The following SLC14A2 variants were observed in gnomAD, a reference collection of about 807,000 sequenced individuals.
SLC14A2 encodes the protein urea transporter 2.
SLC14A2 carries 91 observed loss-of-function variants against 104.6 expected under a neutral mutation model. The ratio of observed to expected loss-of-function variants is 0.87; its 90% CI spans 0.73 to 1.04. The LOEUF (loss-of-function observed/expected upper bound fraction) is 1.04. SLC14A2 is among the 50% of genes least tolerant of loss of function. SLC14A2 has a pLI of 0.00. For synonymous variants in SLC14A2, 476 were observed against 466.4 expected, an observed-to-expected ratio of 1.02 and a Z score of -0.27; for missense variants, 1,189 against 1,156.0, an observed-to-expected ratio of 1.03 and a Z score of -0.41.
intron 1 of SLC14A2, among the ~76,000 whole-genome samples, chr18:45,289,126 C>T (rs995862130): frequency 1.3e-5 from 2 of 152,176 alleles, no homozygotes; most frequent in Non-Finnish European, 2.9e-5. Flanking sequence ...GAAAGGTGGA[C>T]GAGTGCTGGC....
chr18:45,466,878 C>T (rs2087153041), intron 1 of SLC14A2, among the ~76,000 whole-genome samples: 1 of 152,102 alleles, frequency 6.6e-6, no homozygotes, highest in South Asian at 2.1e-4. Context: ...CACTGTGTGC[C>T]TGGCCCCACC....
In SLC14A2 at chr18:45,261,483, G is replaced by A. The variant is rs539390555; in HGVS notation, c.-125+48292G>A. Among the ~76,000 whole-genome samples, 3 of 151,576 alleles carry A rather than the reference G, an allele frequency of 2.0e-5. No homozygotes were observed. In the East Asian group the frequency reaches 5.8e-4, roughly 30 times the overall value. ...GCAGGTTAGTTACATATGTATATAT[G>A]TGCCATGCTCGTGTGCTGCACCCAT... On this transcript the variant is annotated intron_variant, in intron 1 of 20. Transcript: ENST00000586448.
intron 1 of SLC14A2, among the ~76,000 whole-genome samples, chr18:45,293,655 G>A (rs562761927): frequency 1.4e-4 from 22 of 152,164 alleles, no homozygotes; most frequent in Admixed American, 1.3e-3. Flanking sequence ...TTAAATCAAG[G>A]CAAGTTTGAT....
chr18:45,391,198 A>G (rs1307974382), intron 1 of SLC14A2, among the ~76,000 whole-genome samples: 1 of 152,052 alleles, frequency 6.6e-6, no homozygotes, highest in Non-Finnish European at 1.5e-5. Context: ...TCCCTGAGAT[A>G]GTTTGCTGAG....
chr18:45,193,243 A>G, the SLC14A2 span, among the ~76,000 whole-genome samples: 2 of 152,154 alleles, frequency 1.3e-5, no homozygotes, highest in Non-Finnish European at 1.5e-5. Flanking sequence ...TTATTATGAA[A>G]TCCAGTTTAT....
At chr18:45,199,818 A>C in the SLC14A2 span, among the ~76,000 whole-genome samples, 2 of 152,184 alleles carry the variant, frequency 1.3e-5, no homozygotes, top group East Asian at 1.9e-4. Flanking sequence ...TCATACCTTC[A>C]ATAGCCTGGG....
chr18:45,673,070 G>A, intron 17 of SLC14A2, 23 bp downstream of exon 17: 1 of 1,611,274 alleles, frequency 6.2e-7, no homozygotes, highest in Non-Finnish European at 8.5e-7. Flanking sequence ...ACTTCCCTGG[G>A]CTGTGAGGGG....
intron 7 of SLC14A2, among the ~76,000 whole-genome samples, chr18:45,640,547 A>G (rs1213046332): frequency 3.3e-5 from 5 of 152,172 alleles, no homozygotes; most frequent in Admixed American, 2.6e-4. Context: ...TTAAATAGGT[A>G]TTTGCTCTTT....
chr18:45,346,653 C>T (rs1016534713), intron 1 of SLC14A2, among the ~76,000 whole-genome samples: 4 of 152,064 alleles, frequency 2.6e-5, no homozygotes, highest in South Asian at 2.1e-4. Flanking sequence ...CTAGGCTGGG[C>T]GCAGTAGCTC....
At chr18:45,268,170 C>A (rs1374964494) in intron 1 of SLC14A2, among the ~76,000 whole-genome samples, 1 of 152,090 alleles carries the variant, frequency 6.6e-6, no homozygotes, top group Non-Finnish European at 1.5e-5. Flanking sequence ...GTAAATCCCA[C>A]AGTAACTAGA....
At chr18:45,486,355 C>G (rs2087605256) in intron 2 of SLC14A2, among the ~76,000 whole-genome samples, 1 of 150,646 alleles carries the variant, frequency 6.6e-6, no homozygotes, top group African/African-American at 2.4e-5. Context: ...AAAATTCAGG[C>G]TAGGGACTTT....
intron 1 of SLC14A2, among the ~76,000 whole-genome samples, chr18:45,462,140 AAAC>A (rs1173081578): frequency 2.6e-5 from 4 of 152,218 alleles, no homozygotes; most frequent in Non-Finnish European, 4.4e-5. Context: ...ATTCCATAGA[AAAC>A]AACGTTTCTT....
At chr18:45,277,427 C>CT (rs57812039) in intron 1 of SLC14A2, among the ~76,000 whole-genome samples, 6 of 151,388 alleles carry the variant, frequency 4.0e-5, no homozygotes, top group African/African-American at 9.7e-5. Context: ...TTCTTTTTTT[C>CT]TTTTTTTTAG....
At chr18:45,348,267 G>A (rs1052368391) in intron 1 of SLC14A2, among the ~76,000 whole-genome samples, 1 of 152,338 alleles carries the variant, frequency 6.6e-6, no homozygotes, top group African/African-American at 2.4e-5. Context: ...GATTTGAAAT[G>A]GACCTTGACA....
chr18:45,605,171 T>C (rs191900989), intron 2 of SLC14A2, among the ~76,000 whole-genome samples: 1 of 152,276 alleles, frequency 6.6e-6, no homozygotes, highest in Non-Finnish European at 1.5e-5. Context: ...TCACGCACGG[T>C]AGACAAGGAC....
the SLC14A2 span, among the ~76,000 whole-genome samples, chr18:45,172,772 TC>T: frequency 6.6e-6 from 1 of 152,122 alleles, no homozygotes; most frequent in African/African-American, 2.4e-5. Flanking sequence ...ATAGATTGTC[TC>T]AACCTTGATG....
At chr18:45,474,053 T>A (rs2087305390) in intron 1 of SLC14A2, among the ~76,000 whole-genome samples, 1 of 152,218 alleles carries the variant, frequency 6.6e-6, no homozygotes, top group Non-Finnish European at 1.5e-5. Flanking sequence ...ATACATTCCA[T>A]CAATACCTAG....
At chr18:45,666,602 T>TAAA (rs5824604) in intron 12 of SLC14A2, among the ~76,000 whole-genome samples, 8,776 of 145,936 alleles carry the variant, frequency 0.06, 300 homozygotes, top group Non-Finnish European at 0.07. Context: ...GTATTAATGT[T>TAAA]AAAAAAAAAA....
At chr18:45,572,998 C>T (rs747055594) in intron 2 of SLC14A2, among the ~76,000 whole-genome samples, 9 of 152,240 alleles carry the variant, frequency 5.9e-5, no homozygotes, top group Admixed American at 1.3e-4. Flanking sequence ...GAGAATAGTC[C>T]GCCTTTATCC....
Sources: gnomAD v4.1 joint callset for allele counts (sites outside exome capture counted in the v4.1 genomes callset) on GRCh38, gnomAD v4.1.1 for gene constraint, MANE v1.5 for transcripts, NCBI Gene and HGNC (gene_info 2026-07-23, HGNC 2026-07-21) for gene names.